The following EYS variants were observed in gnomAD, a reference collection of about 807,000 sequenced individuals.
The protein encoded by EYS is protein eyes shut homolog.
In EYS, 250 loss-of-function variants were observed where a neutral mutation model predicts 282.1. That is an observed-to-expected ratio of 0.89 (90% confidence interval 0.80 to 0.98). The LOEUF (loss-of-function observed/expected upper bound fraction) is 0.98, where lower values mean the gene tolerates loss of function less well. Ranked by LOEUF, EYS falls within the 50% of genes least tolerant of loss-of-function variation. The pLI is 0.00. For synonymous variants in EYS, 1,355 were observed against 1,282.9 expected (o/e 1.06, Z -1.20); for missense variants, 4,016 against 3,709.0 (o/e 1.08, Z -2.15).
chr6:65,368,724 A>G (rs1765015124), intron 8 of EYS, among the ~76,000 whole-genome samples: 1 of 151,798 alleles, frequency 6.6e-6, no homozygotes, highest in Admixed American at 6.7e-5. Context: ...AATATTTAAA[A>G]GTGAACAGCT....
At chr6:64,228,085 T>G (rs1019564408) in intron 31 of EYS, among the ~76,000 whole-genome samples, 28 of 152,228 alleles carry the variant, frequency 1.8e-4, no homozygotes, top group African/African-American at 5.8e-4. Context: ...GATTCCTGAA[T>G]TACAGACCTT....
chr6:64,836,065 T>A (rs930704904), intron 19 of EYS, among the ~76,000 whole-genome samples: 1 of 149,240 alleles, frequency 6.7e-6, no homozygotes, highest in African/African-American at 2.5e-5. Context: ...ATCGCTCAAA[T>A]CTCATAATCG....
chr6:64,571,863 G>T (rs1178933644), intron 26 of EYS, among the ~76,000 whole-genome samples: 2 of 152,022 alleles, frequency 1.3e-5, no homozygotes, highest in African/African-American at 4.8e-5. Context: ...AGGAGCTGGT[G>T]CCATTCCTTC....
chr6:63,848,528 C>T (rs183442197), intron 36 of EYS, among the ~76,000 whole-genome samples: 50 of 151,692 alleles, frequency 3.3e-4, no homozygotes, highest in Admixed American at 9.8e-4. Flanking sequence ...GTGCAGTCCA[C>T]GGAGGGCAAG....
chr6:64,381,557 G>GT (rs771524135), intron 29 of EYS, among the ~76,000 whole-genome samples: 3 of 152,092 alleles, frequency 2.0e-5, no homozygotes, highest in African/African-American at 4.8e-5. Flanking sequence ...TACTGCATAT[G>GT]TTTTTTGGTA....
chr6:63,934,542 A>G (rs1356257954), intron 35 of EYS, among the ~76,000 whole-genome samples: 2 of 152,196 alleles, frequency 1.3e-5, no homozygotes, highest in East Asian at 1.9e-4. Context: ...AATGTGGCAC[A>G]TACACACCAT....
At position 63,945,368 on chromosome 6, in the gene EYS, C is replaced by T. The variant is rs1765365562; in HGVS notation, c.7055+39015G>A. ...ACTGCCCCCATGATCCAATTACCTC[C>T]CGCCGGTCCCCTCCCACAACACGTG... On this transcript the variant is annotated intron_variant, in intron 35 of 42. Transcript: ENST00000503581. Among the ~76,000 whole-genome samples the T allele has an allele frequency of 2.0e-5, 3 of 152,074 alleles. No individual in the cohort carries two copies. In the East Asian group the frequency reaches 5.8e-4, roughly 29 times the overall value.
chr6:65,093,811 T>C (rs1193966130), intron 12 of EYS, among the ~76,000 whole-genome samples: 2 of 151,806 alleles, frequency 1.3e-5, no homozygotes, highest in Non-Finnish European at 3.0e-5. Flanking sequence ...TGAATTAAAC[T>C]TCACAATTGA....
chr6:65,005,271 G>A lies in EYS; in HGVS notation c.2138-7568C>T, dbSNP rs968073696. 1.4e-5 allele frequency among the ~76,000 whole-genome samples: 2 copies of A among 147,840 alleles called. 1 individual carries two copies. Among genetic ancestry groups the A allele is most frequent in the African/African-American group, 4.9e-5 (2 of 41,166 alleles). ...TGTTCCTGCACGGCTAAGTGCCTGC[G>A]TTCATCCTAATCGAGCTGAACGCTA... On this transcript the variant is annotated intron_variant, in intron 13 of 42. Coordinates refer to ENST00000503581, the MANE Select transcript of EYS (RefSeq NM_001142800.2).
rs561856282 is a variant in EYS at position 64,762,305 on chromosome 6, G to A, written c.3443+51073C>T. Among the ~76,000 whole-genome samples, 8 of 152,278 alleles carry A rather than the reference G, an allele frequency of 5.3e-5. No homozygotes were observed. The East Asian group carries it at 1.3e-3, about 26-fold the overall frequency. ...CAACCTCACTTAACAAGTTGCAGAA[G>A]GCAAAAGCTAACTACTATATTTTTC... On this transcript the variant is annotated intron_variant, in intron 22 of 42. Transcript: ENST00000503581.
intron 12 of EYS, among the ~76,000 whole-genome samples, chr6:65,228,304 T>C (rs534227732): frequency 2.0e-4 from 31 of 152,154 alleles, no homozygotes; most frequent in African/African-American, 7.2e-4. Flanking sequence ...ATGTGGAATA[T>C]CCTACTAAAT....
intron 22 of EYS, among the ~76,000 whole-genome samples, chr6:64,732,268 C>A (rs1380841175): frequency 1.3e-5 from 2 of 150,674 alleles, no homozygotes; most frequent in African/African-American, 4.9e-5. Context: ...ATGTAACAAA[C>A]CTGCATGTTC....
At chr6:64,622,271 T>C (rs1351233863) in intron 23 of EYS, among the ~76,000 whole-genome samples, 2 of 152,138 alleles carry the variant, frequency 1.3e-5, no homozygotes, top group Non-Finnish European at 2.9e-5. Flanking sequence ...GAGGGCTTTA[T>C]GCTTACCATG....
At chr6:63,835,251 C>CTG (rs1193938815) in intron 36 of EYS, among the ~76,000 whole-genome samples, 1 of 146,700 alleles carries the variant, frequency 6.8e-6, no homozygotes, top group Non-Finnish European at 1.5e-5. Context: ...TGGTATGTGT[C>CTG]TGTGTGTGTA....
At chr6:65,607,713 G>A (rs188705433) in intron 2 of EYS, among the ~76,000 whole-genome samples, 20 of 151,916 alleles carry the variant, frequency 1.3e-4, no homozygotes, top group East Asian at 5.8e-4. Flanking sequence ...TTATCTCAGC[G>A]AACAGAATGG....
intron 22 of EYS, among the ~76,000 whole-genome samples, chr6:64,670,212 TAACA>T (rs1769400184): frequency 6.6e-6 from 1 of 152,002 alleles, no homozygotes; most frequent in South Asian, 2.1e-4. Context: ...TAAAGCCAAT[TAACA>T]AACACAGATG....
intron 23 of EYS, among the ~76,000 whole-genome samples, chr6:64,624,277 C>A (rs1164553906): frequency 6.6e-6 from 1 of 152,132 alleles, no homozygotes; most frequent in African/African-American, 2.4e-5. Context: ...CAAAACTAAT[C>A]TAGCACCTGT....
chr6:65,254,923 C>T (rs1407415948), intron 12 of EYS, among the ~76,000 whole-genome samples: 3 of 151,908 alleles, frequency 2.0e-5, no homozygotes, highest in African/African-American at 7.2e-5. Flanking sequence ...ATAAACCATG[C>T]TCATAATGTT....
chr6:63,989,278 A>T (rs1344350252), intron 34 of EYS, among the ~76,000 whole-genome samples: 1 of 151,748 alleles, frequency 6.6e-6, no homozygotes, highest in Non-Finnish European at 1.5e-5. Context: ...CAAATTTAAA[A>T]TCAGAAACAT....
Sources: gnomAD v4.1 joint callset for allele counts (sites outside exome capture counted in the v4.1 genomes callset) on GRCh38, gnomAD v4.1.1 for gene constraint, MANE v1.5 for transcripts, NCBI Gene and HGNC (gene_info 2026-07-23, HGNC 2026-07-21) for gene names.